The following PDE10A variants were observed in gnomAD, a reference collection of about 807,000 sequenced individuals.
PDE10A encodes cAMP and cAMP-inhibited cGMP 3',5'-cyclic phosphodiesterase 10A.
PDE10A carries 39 observed loss-of-function variants against 97.7 expected under a neutral mutation model. The observed-to-expected ratio is 0.40, with a 90% CI of 0.31 to 0.52. The LOEUF (loss-of-function observed/expected upper bound fraction) is 0.52, where lower values mean the gene tolerates loss of function less well. Ranked by LOEUF, PDE10A falls within the 20% of genes least tolerant of loss-of-function variation. The pLI is 0.56. For missense variants in PDE10A, 731 were observed against 1,047.8 expected (o/e 0.70, Z 4.17); for synonymous variants, 371 against 376.8 (o/e 0.98, Z 0.18).
At chr6:165,413,470 TA>T (rs761102106) in intron 13 of PDE10A, 30 bp downstream of exon 13, 3 of 1,481,934 alleles carry the variant, frequency 2.0e-6, no homozygotes, top group East Asian at 2.3e-5. Flanking sequence ...TATTGAGTAG[TA>T]AAAAATGGTA....
At chr6:165,592,811 G>A (rs1786356868) in intron 1 of PDE10A, among the ~76,000 whole-genome samples, 1 of 152,224 alleles carries the variant, frequency 6.6e-6, no homozygotes. Flanking sequence ...AGGTGCTGGA[G>A]AGGATATGGA....
intron 1 of PDE10A, among the ~76,000 whole-genome samples, chr6:165,892,445 C>T (rs1781830653): frequency 6.6e-6 from 1 of 152,224 alleles, no homozygotes; most frequent in African/African-American, 2.4e-5. Context: ...GCAAGAAAAG[C>T]CAAGGGAATG....
chr6:165,921,238 T>C (rs938895290), intron 1 of PDE10A, among the ~76,000 whole-genome samples: 38 of 152,360 alleles, frequency 2.5e-4, no homozygotes, highest in African/African-American at 9.1e-4. Flanking sequence ...GTAGACTGCA[T>C]AGAAACAGAC....
intron 10 of PDE10A, among the ~76,000 whole-genome samples, chr6:165,426,056 G>T (rs1789133985): frequency 1.3e-5 from 2 of 151,730 alleles, no homozygotes; most frequent in African/African-American, 4.8e-5. Flanking sequence ...TAGATAAATG[G>T]AAAAATACCT....
intron 3 of PDE10A, among the ~76,000 whole-genome samples, chr6:165,450,835 T>C (rs931378797): frequency 2.5e-4 from 38 of 152,278 alleles, no homozygotes; most frequent in African/African-American, 8.9e-4. Flanking sequence ...AGTGCTGGGA[T>C]TGAAGGCATG....
chr6:165,987,731 G>C (rs1170420725), exon 1 of PDE10A: 6 of 456,652 alleles, frequency 1.3e-5, no homozygotes, highest in Non-Finnish European at 1.8e-5. Flanking sequence ...CACCACGCTC[G>C]CGCGCTCCGC....
chr6:165,442,318 A>G (rs1302606306), intron 5 of PDE10A, among the ~76,000 whole-genome samples: 1 of 150,372 alleles, frequency 6.7e-6, no homozygotes, highest in Non-Finnish European at 1.5e-5. Flanking sequence ...AACAGGCCCC[A>G]GTGTGTGATG....
intron 1 of PDE10A, among the ~76,000 whole-genome samples, chr6:165,698,974 G>T (rs1791505456): frequency 6.6e-6 from 1 of 152,080 alleles, no homozygotes; most frequent in Non-Finnish European, 1.5e-5. Context: ...ATGTAAAATG[G>T]CAAACATAAA....
chr6:165,905,524 G>A (rs1182647547), intron 1 of PDE10A, among the ~76,000 whole-genome samples: 1 of 151,884 alleles, frequency 6.6e-6, no homozygotes, highest in African/African-American at 2.4e-5. Flanking sequence ...TACTTGTAAG[G>A]AGTCTAAAAC....
At position 165,734,992 on chromosome 6, in the gene PDE10A, AGTAG is replaced by A. The variant is rs751800086; in HGVS notation, c.-614-191428_-614-191425del. ...TAGATAGATAGATAGATAGATAGAT[AGTAG>A]GTAGGTAGGTAGGTAGATAGGTAGG... On this transcript the variant is annotated intron_variant, in intron 1 of 19. Coordinates refer to the PDE10A transcript ENST00000366882. 1.9e-3 allele frequency among the ~76,000 whole-genome samples: 272 copies of A among 143,646 alleles called. 1 individual carries two copies. Among genetic ancestry groups the A allele is most frequent in the South Asian group, 4.8e-3 (22 of 4,626 alleles). The allele number at this position is 143,646 out of a possible 152,430, so 94.2% of individuals were successfully genotyped here.
chr6:165,958,767 A>AAGAAAGAAAGAG (rs1196131946), intron 1 of PDE10A, among the ~76,000 whole-genome samples: 1 of 147,790 alleles, frequency 6.8e-6, no homozygotes, highest in Non-Finnish European at 1.5e-5. Flanking sequence ...GAAAGAAAGA[A>AAGAAAGAAAGAG]GAAAGCAAGC....
At chr6:165,570,226 TA>T (rs1341638547) in intron 1 of PDE10A, among the ~76,000 whole-genome samples, 1 of 152,188 alleles carries the variant, frequency 6.6e-6, no homozygotes, top group Non-Finnish European at 1.5e-5. Context: ...TCAAATTGTT[TA>T]AAAGGCAGAA....
chr6:165,832,673 G>A (rs914751281), intron 1 of PDE10A, among the ~76,000 whole-genome samples: 1 of 152,200 alleles, frequency 6.6e-6, no homozygotes, highest in Non-Finnish European at 1.5e-5. Flanking sequence ...GTGTGGATGA[G>A]CCCAGCTAGG....
At chr6:165,390,543 G>T (rs963109743) in intron 16 of PDE10A, among the ~76,000 whole-genome samples, 1 of 152,150 alleles carries the variant, frequency 6.6e-6, no homozygotes, top group Admixed American at 6.5e-5. Flanking sequence ...GAAAAGAGGG[G>T]TGAAAGCATG....
intron 1 of PDE10A, among the ~76,000 whole-genome samples, chr6:165,849,565 G>C (rs865796796): frequency 6.6e-6 from 1 of 152,168 alleles, no homozygotes. Context: ...TGAGAAAAAC[G>C]CACCTCATGT....
intron 3 of PDE10A, among the ~76,000 whole-genome samples, chr6:165,474,019 T>TA (rs966933006): frequency 6.6e-6 from 1 of 152,224 alleles, no homozygotes; most frequent in African/African-American, 2.4e-5. Context: ...TTGTAGAGCA[T>TA]AATTATGATC....
intron 1 of PDE10A, among the ~76,000 whole-genome samples, chr6:165,956,106 T>A (rs1049005447): frequency 1.8e-4 from 27 of 152,360 alleles, no homozygotes; most frequent in African/African-American, 5.5e-4. Flanking sequence ...TTAGATTTTT[T>A]AAAAATAAAA....
chr6:165,532,931 T>A (rs1471848933), intron 2 of PDE10A, among the ~76,000 whole-genome samples: 1 of 152,040 alleles, frequency 6.6e-6, no homozygotes, highest in South Asian at 2.1e-4. Flanking sequence ...AAATAAGAAG[T>A]TTCTCAAGGT....
At chr6:165,412,072 GTTGAC>G (rs1787897374) in intron 13 of PDE10A, among the ~76,000 whole-genome samples, 2 of 151,162 alleles carry the variant, frequency 1.3e-5, no homozygotes, top group Non-Finnish European at 2.9e-5. Context: ...TGTTATAATA[GTTGAC>G]TTGATCACAT....
Sources: allele counts gnomAD v4.1 joint callset (sites outside exome capture counted in the v4.1 genomes callset), GRCh38; gene constraint gnomAD v4.1.1; transcripts MANE v1.5; gene names NCBI Gene and HGNC (gene_info 2026-07-23, HGNC 2026-07-21).